Variants in ADCY9 observed in about 807,000 individuals in gnomAD.
ADCY9 encodes the protein adenylate cyclase type 9.
In ADCY9, 50 loss-of-function variants were observed where a neutral mutation model predicts 101.5. The ratio of observed to expected loss-of-function variants is 0.49; its 90% CI spans 0.39 to 0.62. The LOEUF (loss-of-function observed/expected upper bound fraction) is 0.62. ADCY9 is among the 20% of genes least tolerant of loss of function. The pLI is 0.00. For synonymous variants in ADCY9, 905 were observed against 769.3 expected, an observed-to-expected ratio of 1.18 and a Z score of -2.92; for missense variants, 1,662 against 1,800.4, an observed-to-expected ratio of 0.92 and a Z score of 1.39.
Position 4,000,882 on chromosome 16 carries a change from C to T in ADCY9, c.1884+6486G>A, listed in dbSNP as rs142926367. 3.9e-3 allele frequency among the ~76,000 whole-genome samples: 586 copies of T among 151,348 alleles called. 3 individuals carry two copies. Among genetic ancestry groups the T allele is most frequent in the African/African-American group, 0.013 (551 of 41,260 alleles). ...GTCAAGATAAGAAAATATTTGGCAT[C>T]TGGGGAAATTTCATGGAAATGCAAT... On this transcript the variant is annotated intron_variant, in intron 3 of 10. Coordinates refer to ENST00000294016, the MANE Select transcript of ADCY9 (RefSeq NM_001116.4).
At chr16:4,021,431 T>A (rs1477183297) in intron 2 of ADCY9, among the ~76,000 whole-genome samples, 1 of 152,232 alleles carries the variant, frequency 6.6e-6, no homozygotes. Context: ...CTCCACTTTC[T>A]ACCAGCCTCC....
chr16:4,054,117 G>A (rs1488616912), intron 2 of ADCY9: 2 of 152,258 alleles, frequency 1.3e-5, no homozygotes, highest in East Asian at 3.9e-4. Context: ...ACGAAAGCAG[G>A]ATTAGCGTCT....
intron 2 of ADCY9, among the ~76,000 whole-genome samples, chr16:4,056,391 C>T (rs1368331160): frequency 3.3e-5 from 5 of 152,090 alleles, no homozygotes; most frequent in Non-Finnish European, 7.4e-5. Context: ...GTAGCTGGGA[C>T]GATAGGCGTG....
intron 2 of ADCY9, among the ~76,000 whole-genome samples, chr16:4,065,145 G>A (rs940264509): frequency 2.0e-5 from 3 of 152,126 alleles, no homozygotes; most frequent in Non-Finnish European, 4.4e-5. Context: ...ATTGGAAAAT[G>A]CCCCTCTCTC....
intron 2 of ADCY9, among the ~76,000 whole-genome samples, chr16:4,066,302 G>C (rs1272926144): frequency 6.6e-6 from 1 of 152,022 alleles, no homozygotes; most frequent in Admixed American, 6.6e-5. Context: ...TTCTCATTTT[G>C]ATATGCCACT....
In ADCY9 at chr16:3,979,198, T is replaced by A. The variant is rs910937151; in HGVS notation, c.2597A>T (p.His866Leu). ...LEWIAGWLPR[H>L]CIGAILVSLP... Reference sequence around the variant, plus strand: ...CGACACCAGGATGGCCCCGATGCAGTGACGTGGTAGCCAGCCGGCGATCCA... The same window carrying A: ...CGACACCAGGATGGCCCCGATGCAGAGACGTGGTAGCCAGCCGGCGATCCA... The change falls in exon 8 of 11, where the codon CAC becomes CTC. Residue 866 changes from histidine (H) to leucine (L), a missense_variant. Physicochemically the swap from His to Leu is moderately conservative, Grantham distance 99. This residue lies in a region of ADCY9 where 624 missense variants were observed against 639.1 expected (regional missense o/e 0.98). Coordinates refer to ENST00000294016, the MANE Select transcript of ADCY9 (RefSeq NM_001116.4). 4.3e-6 allele frequency: 7 copies of A among 1,613,896 alleles called. No individual in the cohort carries two copies. Among genetic ancestry groups the A allele is most frequent in the Non-Finnish European group, 5.9e-6 (7 of 1,180,036 alleles).
rs1044966166 is a variant in ADCY9 at position 3,977,423 on chromosome 16, G to C, written c.2828+59C>G. On this transcript the variant is annotated intron_variant, in intron 9 of 10. Transcript: ENST00000294016. ...ATGTGCAAATGCAGCCAGGCCCTAC[G>C]CAACCTCGGGCAAGGTGGCCACGCA... 14 of 1,526,872 alleles carry C rather than the reference G, an allele frequency of 9.2e-6. No individual in the cohort carries two copies. In the Admixed American group the frequency reaches 1.8e-4, roughly 20 times the overall value. The allele number at this position is 1,526,872 out of a possible 1,614,324, so 94.6% of individuals were successfully genotyped here. A position where few individuals can be genotyped will look rare whatever the true frequency, so the allele number is the denominator to read the frequency against.
intron 5 of ADCY9, among the ~76,000 whole-genome samples, chr16:3,955,240 T>C (rs1597125226): frequency 2.7e-5 from 4 of 149,428 alleles, no homozygotes; most frequent in Admixed American, 2.7e-4. Context: ...AAAAAAGTAG[T>C]TGGACCAGGC....
chr16:4,003,831 G>A (rs531538156), intron 3 of ADCY9, among the ~76,000 whole-genome samples: 18 of 151,560 alleles, frequency 1.2e-4, no homozygotes, highest in African/African-American at 4.1e-4. Context: ...CGCTGACAGT[G>A]GCGTCCTCAT....
rs1190798095 is a variant in ADCY9, at chr16:3,992,133, G to T, written c.2207+13C>A. The T allele has an allele frequency of 6.2e-7, 1 of 1,613,186 alleles. No homozygotes were observed. Among genetic ancestry groups the T allele is most frequent in the East Asian group, 2.2e-5 (1 of 44,870 alleles). Reference sequence around the variant, plus strand: ...TGCAACCTTTGCTTTTTCCCAGACAGCCCCAGTCGTACCTGTCTTCTTTGA... The same window carrying T: ...TGCAACCTTTGCTTTTTCCCAGACATCCCCAGTCGTACCTGTCTTCTTTGA... On this transcript the variant is annotated intron_variant, in intron 5 of 10. Coordinates refer to ENST00000294016, the MANE Select transcript of ADCY9 (RefSeq NM_001116.4). The surrounding 1 kb of genome is among the most constrained non-coding windows in gnomAD (Gnocchi z 4.2).
downstream of ADCY9, among the ~76,000 whole-genome samples, chr16:3,960,512 A>G (rs2055931550): frequency 1.3e-5 from 2 of 152,254 alleles, no homozygotes; most frequent in Admixed American, 6.5e-5. Flanking sequence ...AGAGAGCCAG[A>G]CTCTGTCTCA....
At position 4,114,263 on chromosome 16, in the gene ADCY9, T is replaced by C; in HGVS notation, c.1180A>G (p.Ser394Gly). 6.2e-7 allele frequency: 1 copy of C among 1,613,988 alleles called. No homozygotes were observed. Among genetic ancestry groups the C allele is most frequent in the Non-Finnish European group, 8.5e-7 (1 of 1,180,038 alleles). Residue 394 changes from serine (S) to glycine (G), a missense_variant, in exon 2 of 11, where the codon AGT (serine) becomes GGT (glycine). By Grantham distance (56) the Ser-to-Gly change is moderately conservative (BLOSUM62 0). Around this residue, in one of 5 missense-constraint regions of ADCY9, gnomAD observed 228 missense variants for 301.1 expected, o/e 0.76. Coordinates refer to ENST00000294016, the MANE Select transcript of ADCY9 (RefSeq NM_001116.4). This position sits in a 1 kb window ranked among gnomAD's most constrained non-coding sequence, Gnocchi z 4.3. ...CCCACGATATCTGCAAATAAAATAC[T>C]GACTTCTTCGATCTGCTGCATCTTA... is the stretch of plus-strand genomic sequence containing the variant. Reference protein sequence around the residue: ...PFKMQQIEEVSILFADIVGFT... With the variant: ...PFKMQQIEEVGILFADIVGFT...
intron 2 of ADCY9, among the ~76,000 whole-genome samples, chr16:4,104,846 C>T (rs1270807351): frequency 6.6e-6 from 1 of 151,956 alleles, no homozygotes; most frequent in Non-Finnish European, 1.5e-5. Flanking sequence ...TTTTATCACT[C>T]AAAAAACCTC....
chr16:4,014,926 C>A (rs533311331), intron 2 of ADCY9, among the ~76,000 whole-genome samples: 166 of 146,690 alleles, frequency 1.1e-3, no homozygotes, highest in African/African-American at 3.5e-3. Context: ...TGACCACATT[C>A]CCCTGTTTTG....
chr16:4,023,081 C>T (rs1450379763), intron 2 of ADCY9, among the ~76,000 whole-genome samples: 1 of 152,198 alleles, frequency 6.6e-6, no homozygotes, highest in Non-Finnish European at 1.5e-5. Flanking sequence ...AAGGGCAGAA[C>T]AAAGTACTGA....
intron 2 of ADCY9, among the ~76,000 whole-genome samples, chr16:4,042,113 G>A (rs537114728): frequency 3.3e-5 from 5 of 151,808 alleles, no homozygotes; most frequent in Admixed American, 6.6e-5. Flanking sequence ...TAGCAGAGAC[G>A]GGGGTTTCAC....
intron 2 of ADCY9, among the ~76,000 whole-genome samples, chr16:4,042,351 A>G (rs920254113): frequency 6.6e-5 from 10 of 152,218 alleles, no homozygotes; most frequent in African/African-American, 2.2e-4. Flanking sequence ...CATGTGAACC[A>G]GCATGTCTGG....
rs1051046610 is a variant in ADCY9, at chr16:3,992,671, G to T, written c.1990-308C>A. On this transcript the variant is annotated intron_variant, in intron 4 of 10. Transcript: ENST00000294016. The surrounding 1 kb of genome is among the most constrained non-coding windows in gnomAD (Gnocchi z 4.2). ...GGAGGGGAAGGGAGGAAAGTGAGGA[G>T]CCGAGGCCCCCAGAGTCTGCTTAGG... Among the ~76,000 whole-genome samples the T allele has an allele frequency of 2.6e-5, 4 of 152,138 alleles. No individual in the cohort carries two copies. The highest frequency in any genetic ancestry group is 9.7e-5 in the African/African-American group (4 of 41,448).
chr16:3,974,620 T>C, intron 10 of ADCY9, 49 bp downstream of exon 10: 1 of 1,522,230 alleles, frequency 6.6e-7, no homozygotes, highest in Non-Finnish European at 9.1e-7. Flanking sequence ...GGCAGGGTAA[T>C]ACAGTCACTC....
Sources: allele counts gnomAD v4.1 joint callset (sites outside exome capture counted in the v4.1 genomes callset), GRCh38; gene constraint gnomAD v4.1.1; regional missense constraint gnomAD v4.1.1; non-coding constraint Gnocchi (gnomAD v3.1); transcripts MANE v1.5; gene names NCBI Gene and HGNC (gene_info 2026-07-23, HGNC 2026-07-21).